The following COX7B2 variants were observed in gnomAD, a reference collection of about 807,000 sequenced individuals.
COX7B2 encodes the protein cytochrome c oxidase subunit 7B2, mitochondrial.
For synonymous variants in COX7B2, 37 were observed against 32.1 expected (o/e 1.15, Z -0.51); for missense variants, 109 against 95.9 (o/e 1.14, Z -0.57).
intron 1 of COX7B2, among the ~76,000 whole-genome samples, chr4:46,855,324 A>G (rs973339059): frequency 6.6e-6 from 1 of 152,050 alleles, no homozygotes; most frequent in Non-Finnish European, 1.5e-5. Flanking sequence ...TAGCAAAAAT[A>G]TTTATATATT....
At chr4:46,740,643 C>T (rs569294189) in intron 2 of COX7B2, among the ~76,000 whole-genome samples, 1 of 151,690 alleles carries the variant, frequency 6.6e-6, no homozygotes, top group Non-Finnish European at 1.5e-5. Flanking sequence ...GGAGAGATGA[C>T]AAAAATGCCA....
At chr4:46,830,662 A>T (rs1216769803) in intron 2 of COX7B2, among the ~76,000 whole-genome samples, 4 of 152,188 alleles carry the variant, frequency 2.6e-5, no homozygotes, top group Non-Finnish European at 5.9e-5. Flanking sequence ...TAATAGAAAA[A>T]CCTTGAAATC....
intron 2 of COX7B2, among the ~76,000 whole-genome samples, chr4:46,745,222 G>A (rs994218502): frequency 6.6e-5 from 10 of 152,180 alleles, no homozygotes; most frequent in Admixed American, 5.2e-4. Flanking sequence ...GCAAACTCCA[G>A]ATTATTTATT....
chr4:46,791,250 C>G (rs529043310), intron 2 of COX7B2, among the ~76,000 whole-genome samples: 25 of 151,942 alleles, frequency 1.6e-4, no homozygotes, highest in African/African-American at 3.9e-4. Context: ...ACCTCGTGAT[C>G]CTCCCGCCTT....
chr4:46,850,366 T>A (rs942478544), intron 1 of COX7B2, among the ~76,000 whole-genome samples: 10 of 152,088 alleles, frequency 6.6e-5, no homozygotes, highest in Non-Finnish European at 7.4e-5. Flanking sequence ...ACTCTTTGTG[T>A]TATTGACACC....
chr4:46,769,987 G>C (rs1262570597), intron 2 of COX7B2, among the ~76,000 whole-genome samples: 3 of 152,140 alleles, frequency 2.0e-5, no homozygotes, highest in Non-Finnish European at 4.4e-5. Context: ...CACAGTACAG[G>C]AAGGCCTTGC....
intron 1 of COX7B2, among the ~76,000 whole-genome samples, chr4:46,897,482 G>A (rs527258290): frequency 1.3e-5 from 2 of 152,004 alleles, no homozygotes; most frequent in African/African-American, 2.4e-5. Context: ...TCCATTCAAC[G>A]GACAGCATTT....
At chr4:46,803,732 CTTTTTTT>C (rs5858039) in intron 2 of COX7B2, among the ~76,000 whole-genome samples, 25 of 123,260 alleles carry the variant, frequency 2.0e-4, no homozygotes, top group African/African-American at 6.8e-4. Flanking sequence ...GGTTTACTTT[CTTTTTTT>C]TTTTTTTTTT....
chr4:46,821,717 A>G (rs148859923), intron 2 of COX7B2, among the ~76,000 whole-genome samples: 1,678 of 152,334 alleles, frequency 0.011, 20 homozygotes, highest in Middle Eastern at 0.041. Context: ...CATCATTGTC[A>G]CACATATTTA....
Position 46,793,781 on chromosome 4 carries a change from T to A in COX7B2, c.-50+51179A>T, listed in dbSNP as rs567109225. On this transcript the variant is annotated intron_variant, in intron 2 of 2. Transcript: ENST00000355591. ...CCTCATAGGCCAGATGCTGCTGAAG[T>A]GAAGGTATTGATTGGAAAATAATGG... Among the ~76,000 whole-genome samples, 34 of 152,254 alleles carry A rather than the reference T, an allele frequency of 2.2e-4. 1 individual carries two copies. In the East Asian group the frequency reaches 4.8e-3, roughly 22 times the overall value.
chr4:46,754,730 A>ATATATATATATATATATATATG (rs1715666142), intron 2 of COX7B2, among the ~76,000 whole-genome samples: 1 of 107,122 alleles, frequency 9.3e-6, no homozygotes, highest in African/African-American at 3.4e-5. Context: ...GTGTGTGTGT[A>ATATATATATATATATATATATG]TATATATATA....
At chr4:46,859,362 G>A (rs968952413) in intron 1 of COX7B2, among the ~76,000 whole-genome samples, 1 of 152,150 alleles carries the variant, frequency 6.6e-6, no homozygotes, top group Non-Finnish European at 1.5e-5. Flanking sequence ...AAGGAGCACA[G>A]ATTTTAGGGG....
intron 2 of COX7B2, among the ~76,000 whole-genome samples, chr4:46,799,140 A>C (rs915249549): frequency 3.3e-5 from 5 of 152,100 alleles, no homozygotes; most frequent in Non-Finnish European, 7.4e-5. Context: ...ATGAGATTGC[A>C]TTCTTCATTT....
chr4:46,824,243 A>T (rs1228087928), intron 2 of COX7B2, among the ~76,000 whole-genome samples: 1 of 152,200 alleles, frequency 6.6e-6, no homozygotes, highest in East Asian at 1.9e-4. Context: ...AGCTGTACAA[A>T]GAAAAGTTGA....
intron 2 of COX7B2, among the ~76,000 whole-genome samples, chr4:46,747,356 G>C (rs1577654423): frequency 6.6e-6 from 1 of 150,674 alleles, no homozygotes; most frequent in Non-Finnish European, 1.5e-5. Flanking sequence ...CAGGCTGGAG[G>C]GCAATGGTGC....
chr4:46,830,600 A>T (rs1715014913), intron 2 of COX7B2, among the ~76,000 whole-genome samples: 1 of 152,214 alleles, frequency 6.6e-6, no homozygotes, highest in African/African-American at 2.4e-5. Context: ...AATACCTTTA[A>T]CAGGAAGTGT....
Position 46,759,900 on chromosome 4 carries a change from T to A in COX7B2, c.-49-24659A>T, listed in dbSNP as rs536679797. Among the ~76,000 whole-genome samples, 264 of 149,004 alleles carry A rather than the reference T, an allele frequency of 1.8e-3. 1 individual carries two copies. The highest frequency in any genetic ancestry group is 0.015 in the Middle Eastern group (4 of 274). ...TCATATCTTATATAAGTTATATAAGTCTTATCTTATATAAGTTATATAAGT... is the reference window on the plus strand; with the variant it reads ...TCATATCTTATATAAGTTATATAAGACTTATCTTATATAAGTTATATAAGT... On this transcript the variant is annotated intron_variant, in intron 2 of 2. Coordinates refer to ENST00000355591, the MANE Select transcript of COX7B2 (RefSeq NM_130902.3).
At chr4:46,847,104 T>C (rs760466563) in intron 1 of COX7B2, among the ~76,000 whole-genome samples, 27 of 151,982 alleles carry the variant, frequency 1.8e-4, no homozygotes, top group Non-Finnish European at 2.8e-4. Context: ...TGAGTGCAGA[T>C]AGAGGGGAGA....
chr4:46,775,920 G>A (rs945275953), intron 2 of COX7B2, among the ~76,000 whole-genome samples: 3 of 152,112 alleles, frequency 2.0e-5, no homozygotes, highest in Non-Finnish European at 2.9e-5. Flanking sequence ...AGTCCCCAAC[G>A]TTATTCCCAA....
Sources: allele counts gnomAD v4.1 joint callset (sites outside exome capture counted in the v4.1 genomes callset), GRCh38; gene constraint gnomAD v4.1.1; transcripts MANE v1.5; gene names NCBI Gene and HGNC (gene_info 2026-07-23, HGNC 2026-07-21).